Variants in FAM120A observed in about 807,000 individuals in gnomAD.
FAM120A encodes family with sequence similarity 120 member A, also known as constitutive coactivator of PPAR-gamma-like protein 1.
A neutral mutation model predicts 109.7 loss-of-function variants in FAM120A; 15 were observed. The ratio of observed to expected loss-of-function variants is 0.14; its 90% CI spans 0.09 to 0.21. The LOEUF (loss-of-function observed/expected upper bound fraction) is 0.21, where lower values mean the gene tolerates loss of function less well. Among genes scored for constraint, FAM120A ranks in the 10% least tolerant of loss-of-function variants. The probability of loss-of-function intolerance (pLI) is 1.00; values close to 1 mark genes in which losing one functional copy is unlikely to be tolerated. For synonymous variants in FAM120A, 493 were observed against 572.8 expected (o/e 0.86, Z 1.99); for missense variants, 899 against 1,439.3 (o/e 0.62, Z 6.07).
At chr9:93,526,654 G>C (rs1273650105) in intron 7 of FAM120A, among the ~76,000 whole-genome samples, 1 of 152,150 alleles carries the variant, frequency 6.6e-6, no homozygotes, top group Non-Finnish European at 1.5e-5. Context: ...TCCAGTTCGA[G>C]TCACCTCCAG....
At chr9:93,559,477 G>C (rs560830646) in intron 15 of FAM120A, among the ~76,000 whole-genome samples, 3 of 152,344 alleles carry the variant, frequency 2.0e-5, no homozygotes, top group Admixed American at 2.0e-4. Context: ...AGTTACATGG[G>C]ATAGTTAGGG....
Position 93,529,349 on chromosome 9 carries a change from G to A in FAM120A, c.1507-4G>A, listed in dbSNP as rs369429038. On this transcript the variant is annotated splice_region_variant and splice_polypyrimidine_tract_variant and intron_variant, in intron 8 of 17. Coordinates refer to ENST00000277165, the MANE Select transcript of FAM120A (RefSeq NM_014612.5). ...TTTCCTCCCTTCTGCTCTCTGCACT[G>A]TAGGCAGAAGGCTCGTCCACTGCCT... The A allele has an allele frequency of 1.0e-5, 16 of 1,597,402 alleles. No individual in the cohort carries two copies. Among genetic ancestry groups the A allele is most frequent in the South Asian group, 1.1e-5 (1 of 87,960 alleles).
At position 93,452,591 on chromosome 9, in the gene FAM120A, C is replaced by A; in HGVS notation, c.474+202C>A. The A allele has an allele frequency of 6.3e-7, 1 of 1,598,180 alleles. No individual in the cohort carries two copies. Among genetic ancestry groups the A allele is most frequent in the South Asian group, 1.1e-5 (1 of 90,952 alleles). ...GCCGCGCGCTGCCCAAGCCCGTCTC[C>A]AGCTGTCCCTGTTCGGGGTCCGCGG... On this transcript the variant is annotated intron_variant, in intron 1 of 17. Coordinates refer to ENST00000277165, the MANE Select transcript of FAM120A (RefSeq NM_014612.5). The surrounding 1 kb of genome is among the most constrained non-coding windows in gnomAD (Gnocchi z 7.0).
intron 16 of FAM120A, 139 bp from the exon 17 acceptor site, chr9:93,562,069 T>C: frequency 1.4e-6 from 1 of 699,546 alleles, no homozygotes; most frequent in South Asian, 1.9e-5. Context: ...TTCAACAAAT[T>C]GCAACTTCCG....
intron 1 of FAM120A, among the ~76,000 whole-genome samples, chr9:93,459,093 G>A (rs571277463): frequency 1.6e-4 from 25 of 152,232 alleles, no homozygotes; most frequent in Middle Eastern, 3.4e-3. Context: ...ACACTTCAAA[G>A]CCCATGTCAA....
chr9:93,534,166 C>T (rs1861434940), intron 10 of FAM120A, among the ~76,000 whole-genome samples: 1 of 152,116 alleles, frequency 6.6e-6, no homozygotes, highest in African/African-American at 2.4e-5. Context: ...GTTGGGAGGT[C>T]TCCGTCTGGG....
chr9:93,534,870 C>T (rs2131487496), intron 10 of FAM120A, among the ~76,000 whole-genome samples: 1 of 152,166 alleles, frequency 6.6e-6, no homozygotes, highest in East Asian at 1.9e-4. Flanking sequence ...GTAAGGATAC[C>T]TCAGATTTGG....
At chr9:93,506,450 A>T (rs1860059142) in intron 5 of FAM120A, among the ~76,000 whole-genome samples, 1 of 151,976 alleles carries the variant, frequency 6.6e-6, no homozygotes, top group Admixed American at 6.6e-5. Context: ...CTGTAAGTTG[A>T]TTTTATCTTA....
intron 1 of FAM120A, among the ~76,000 whole-genome samples, chr9:93,462,359 C>T (rs574930816): frequency 4.5e-4 from 65 of 145,898 alleles, no homozygotes; most frequent in African/African-American, 1.6e-3. Context: ...CAGCCCACTG[C>T]AACCTCTGCC....
At chr9:93,488,323 G>GTCAA (rs1859159165) in intron 3 of FAM120A, among the ~76,000 whole-genome samples, 1 of 152,058 alleles carries the variant, frequency 6.6e-6, no homozygotes, top group Non-Finnish European at 1.5e-5. Context: ...TCAAGACCAT[G>GTCAA]GATGGCTGTG....
At chr9:93,522,002 C>T (rs968593526) in intron 7 of FAM120A, among the ~76,000 whole-genome samples, 2 of 152,106 alleles carry the variant, frequency 1.3e-5, no homozygotes, top group African/African-American at 4.8e-5. Context: ...ATTGCTTGAA[C>T]CTGGGAGGTG....
chr9:93,492,560 A>C (rs931340302), intron 3 of FAM120A, among the ~76,000 whole-genome samples: 17 of 152,124 alleles, frequency 1.1e-4, no homozygotes, highest in Non-Finnish European at 2.4e-4. Flanking sequence ...TAAGGATTAA[A>C]GAAGACGTCA....
At chr9:93,562,657 T>A (rs1322026134) in intron 17 of FAM120A, among the ~76,000 whole-genome samples, 1 of 150,258 alleles carries the variant, frequency 6.7e-6, no homozygotes, top group East Asian at 1.9e-4. Context: ...TTTTCTTTCT[T>A]TCTTTTTCTT....
At chr9:93,562,551 G>A (rs960796326) in intron 17 of FAM120A, among the ~76,000 whole-genome samples, 1 of 152,190 alleles carries the variant, frequency 6.6e-6, no homozygotes, top group East Asian at 1.9e-4. Context: ...CTGTGTCTCT[G>A]GTAGCTTCCC....
rs117735340 is a variant in FAM120A at position 93,558,328 on chromosome 9, C to T, written c.2669-253C>T. The stretch of plus-strand genomic sequence containing the variant: ...CACCCAGGTCAGAGAGAGCCATCTT[C>T]CAGGACTCATCTCCCAGGGCCCTTC... On this transcript the variant is annotated intron_variant, in intron 14 of 17. Transcript: ENST00000277165. 9.2e-3 allele frequency among the ~76,000 whole-genome samples: 1,395 copies of T among 152,356 alleles called. 6 individuals carry two copies. The highest frequency in any genetic ancestry group is 0.028 in the South Asian group (135 of 4,826).
At chr9:93,534,292 G>T (rs1217087524) in intron 10 of FAM120A, among the ~76,000 whole-genome samples, 1 of 152,144 alleles carries the variant, frequency 6.6e-6, no homozygotes, top group African/African-American at 2.4e-5. Flanking sequence ...TGGAAGCCAG[G>T]GCAGGCCACA....
intron 1 of FAM120A, among the ~76,000 whole-genome samples, chr9:93,454,443 T>C (rs1857457595): frequency 6.6e-6 from 1 of 152,282 alleles, no homozygotes; most frequent in East Asian, 1.9e-4. Context: ...GGGGTGCTTT[T>C]GCTTTCCTCA....
rs371054835 is a variant in FAM120A, at chr9:93,543,236, A to G, written c.1924A>G (p.Ile642Val). The change falls in exon 11 of 18, where the codon ATT becomes GTT. Residue 642 changes from isoleucine to valine, a missense_variant. By Grantham distance (29) the Ile-to-Val change is conservative. Coordinates refer to ENST00000277165, the MANE Select transcript of FAM120A (RefSeq NM_014612.5). ...RLPPEFSPVI[I>V]KEWAAYKGKS... is the part of the protein sequence containing the mutation. ...TTTTCCTGTAGTTTCACCAGTGATC[A>G]TTAAAGAATGGGCAGCTTACAAAGG... 8 of 1,613,902 alleles carry G rather than the reference A, an allele frequency of 5.0e-6. No homozygotes were observed. The African/African-American group carries it at 9.3e-5, about 19-fold the overall frequency.
chr9:93,497,622 C>T (rs746760981), intron 4 of FAM120A, 23 bp downstream of exon 4: 3 of 1,588,900 alleles, frequency 1.9e-6, no homozygotes, highest in Non-Finnish European at 2.6e-6. Context: ...ACAAACAAAA[C>T]AAAAAAACAG....
Sources: gnomAD v4.1 joint callset for allele counts (sites outside exome capture counted in the v4.1 genomes callset) on GRCh38, gnomAD v4.1.1 for gene constraint, Gnocchi (gnomAD v3.1) non-coding constraint, MANE v1.5 for transcripts, NCBI Gene and HGNC (gene_info 2026-07-23, HGNC 2026-07-21) for gene names.